Variants in ERG28 observed in about 807,000 individuals in gnomAD.
ERG28 encodes ergosterol biosynthesis 28 homolog.
A neutral mutation model predicts 15.7 loss-of-function variants in ERG28; 9 were observed. The observed-to-expected ratio is 0.57, with a 90% CI of 0.35 to 1.00. The LOEUF (loss-of-function observed/expected upper bound fraction) is 1.00, where lower values mean the gene tolerates loss of function less well. Ranked by LOEUF, ERG28 falls within the 50% of genes least tolerant of loss-of-function variation. ERG28 has a pLI of 0.02. For synonymous variants in ERG28, 61 were observed against 68.4 expected (o/e 0.89, Z 0.53); for missense variants, 117 against 173.3 (o/e 0.68, Z 1.82).
rs993304475 is a variant in ERG28, at chr14:75,651,008, G to A, written c.*547C>T. The A allele has an allele frequency of 6.5e-6, 1 of 154,234 alleles. No individual in the cohort carries two copies. Among genetic ancestry groups the A allele is most frequent in the African/African-American group, 2.4e-5 (1 of 41,462 alleles). The allele number at this position is 154,234 out of a possible 1,614,324, so 9.6% of individuals were successfully genotyped here. A position where few individuals can be genotyped will look rare whatever the true frequency, so the allele number is the denominator to read the frequency against. ...CCTCATGCATCTGTAGATAGAAGGAGAGCTGTGGTCTTGCTCACACACAGG... is the reference window on the plus strand; with the variant it reads ...CCTCATGCATCTGTAGATAGAAGGAAAGCTGTGGTCTTGCTCACACACAGG... On this transcript the variant is annotated 3_prime_UTR_variant, in exon 5 of 5. Transcript: ENST00000256319.
chr14:75,654,741 G>A, intron 3 of ERG28, 145 bp downstream of exon 3: 2 of 901,720 alleles, frequency 2.2e-6, no homozygotes, highest in Non-Finnish European at 3.5e-6. Flanking sequence ...GGCTTGGAGG[G>A]AATGTAACCT....
intron 1 of ERG28, among the ~76,000 whole-genome samples, chr14:75,659,731 T>C (rs902818298): frequency 1.3e-5 from 2 of 152,172 alleles, no homozygotes; most frequent in African/African-American, 2.4e-5. Flanking sequence ...CAGGTTAACC[T>C]CTTGGGCCTG....
chr14:75,655,082 G>T, intron 2 of ERG28, 106 bp from the exon 3 acceptor site: 3 of 1,105,190 alleles, frequency 2.7e-6, no homozygotes, highest in East Asian at 2.4e-5. Flanking sequence ...AGCTGGACCT[G>T]ACCTCTCTGT....
chr14:75,651,956 G>C, intron 3 of ERG28, 67 bp from the exon 4 acceptor site: 1 of 1,374,190 alleles, frequency 7.3e-7, no homozygotes, highest in Non-Finnish European at 1.0e-6. Flanking sequence ...AAAAGTATCA[G>C]ACTTCATACA....
intron 3 of ERG28, among the ~76,000 whole-genome samples, chr14:75,652,728 T>C (rs1890542953): frequency 6.6e-6 from 1 of 152,106 alleles, no homozygotes; most frequent in Non-Finnish European, 1.5e-5. Flanking sequence ...TGTGTATACT[T>C]ATCCTGCTCT....
intron 1 of ERG28, among the ~76,000 whole-genome samples, chr14:75,659,867 G>GCC (rs10716402): frequency 1.3e-4 from 19 of 144,246 alleles, no homozygotes; most frequent in African/African-American, 4.8e-4. Context: ...AAACACCGCC[G>GCC]CCCCCCCCCG....
intron 1 of ERG28, among the ~76,000 whole-genome samples, chr14:75,660,559 T>G (rs1418637318): frequency 6.6e-6 from 1 of 152,208 alleles, no homozygotes; most frequent in African/African-American, 2.4e-5. Flanking sequence ...TGGCTGCTCA[T>G]TCGCTCATCC....
chr14:75,660,042 C>T (rs1041441477), intron 1 of ERG28, among the ~76,000 whole-genome samples: 2 of 152,172 alleles, frequency 1.3e-5, no homozygotes, highest in Non-Finnish European at 2.9e-5. Flanking sequence ...CCAAGATCCA[C>T]CCATCCTCTT....
At chr14:75,653,474 C>T (rs552585733) in intron 3 of ERG28, among the ~76,000 whole-genome samples, 165 of 151,738 alleles carry the variant, frequency 1.1e-3, no homozygotes, top group Non-Finnish European at 1.6e-3. Flanking sequence ...TGGTGGTGCG[C>T]GCCTGTAATC....
chr14:75,656,279 A>AACACAC (rs34053718), intron 2 of ERG28, among the ~76,000 whole-genome samples: 12,034 of 135,804 alleles, frequency 0.089, 597 homozygotes, highest in Admixed American at 0.11. Flanking sequence ...GTGCTGGCTG[A>AACACAC]ACACACACAC....
Position 75,657,526 on chromosome 14 carries a change from C to A in ERG28, c.-24G>T. On this transcript the variant is annotated 5_prime_UTR_variant, in exon 2 of 5. Coordinates refer to ENST00000256319, the MANE Select transcript of ERG28 (RefSeq NM_007176.4). ...ATGACTCCCCTCAAACGTGGGAGGG[C>A]TTTTTGCCTTGGAAACAAAGGCAGA... is the stretch of plus-strand genomic sequence containing the variant. 1 of 1,612,918 alleles carries A rather than the reference C, an allele frequency of 6.2e-7. No individual in the cohort carries two copies. Among genetic ancestry groups the A allele is most frequent in the South Asian group, 1.1e-5 (1 of 91,010 alleles).
chr14:75,658,518 A>G (rs1191336715), intron 1 of ERG28, among the ~76,000 whole-genome samples: 1 of 152,178 alleles, frequency 6.6e-6, no homozygotes, highest in Non-Finnish European at 1.5e-5. Context: ...TTTTCTCCAG[A>G]TAAGACCACC....
chr14:75,652,678 C>T (rs534247578), intron 3 of ERG28, among the ~76,000 whole-genome samples: 1 of 152,262 alleles, frequency 6.6e-6, no homozygotes, highest in African/African-American at 2.4e-5. Context: ...TTGTTTCAGA[C>T]TCTTCTAATA....
intron 2 of ERG28, among the ~76,000 whole-genome samples, chr14:75,656,153 C>T (rs1197322683): frequency 2.0e-5 from 3 of 152,048 alleles, no homozygotes; most frequent in African/African-American, 7.2e-5. Flanking sequence ...ACTCAACCAG[C>T]CCTAACCAGA....
At chr14:75,653,000 T>G (rs1441813668) in intron 3 of ERG28, among the ~76,000 whole-genome samples, 2 of 151,782 alleles carry the variant, frequency 1.3e-5, no homozygotes, top group Non-Finnish European at 2.9e-5. Context: ...ATTTTTGTAT[T>G]TTTAGTAGAG....
Position 75,651,396 on chromosome 14 carries a change from A to G in ERG28, c.*159T>C, listed in dbSNP as rs1890524083. The G allele has an allele frequency of 1.6e-6, 1 of 622,200 alleles. No individual in the cohort carries two copies. The highest frequency in any genetic ancestry group is 2.8e-6 in the Non-Finnish European group (1 of 360,570). 38.5% of individuals were successfully genotyped at this position (622,200 alleles called of 1,614,324 possible). The stretch of plus-strand genomic sequence containing the variant: ...TGTACGTACATGTTATATACTTTTC[A>G]GTATGCATATCTTTAAATTTTAAAA... On this transcript the variant is annotated 3_prime_UTR_variant, in exon 5 of 5. Coordinates refer to ENST00000256319, the MANE Select transcript of ERG28 (RefSeq NM_007176.4).
chr14:75,658,919 G>A (rs145258157), intron 1 of ERG28, among the ~76,000 whole-genome samples: 1,981 of 152,242 alleles, frequency 0.013, 17 homozygotes, highest in South Asian at 0.035. Flanking sequence ...TAAATTGTGT[G>A]TGTTTAAGTT....
chr14:75,651,834 CAG>C lies in ERG28; in HGVS notation c.278_279del (p.Ser93Ter). On this transcript the variant is annotated frameshift_variant, in exon 4 of 5. Coordinates refer to ENST00000256319, the MANE Select transcript of ERG28 (RefSeq NM_007176.4). LOFTEE classifies it high-confidence loss of function. ...TFLLALGHFL[S>X]ELFVYGTAAP... Reference sequence around the variant, plus strand: ...GCTGCAGTTCCATAGACAAACAACTCAGAGAGGAAATGCCCCAGGGCAAGGAG... The same window carrying C: ...GCTGCAGTTCCATAGACAAACAACTCAGAGGAAATGCCCCAGGGCAAGGAG... The C allele has an allele frequency of 2.5e-6, 4 of 1,614,132 alleles. No homozygotes were observed. Among genetic ancestry groups the C allele is most frequent in the Non-Finnish European group, 3.4e-6 (4 of 1,179,994 alleles).
At chr14:75,653,102 G>A (rs1294743972) in intron 3 of ERG28, among the ~76,000 whole-genome samples, 4 of 152,020 alleles carry the variant, frequency 2.6e-5, no homozygotes, top group African/African-American at 7.2e-5. Context: ...GGGATTACAG[G>A]CAGAAGCCAC....
Sources: gnomAD v4.1 joint callset for allele counts (sites outside exome capture counted in the v4.1 genomes callset) on GRCh38, gnomAD v4.1.1 for gene constraint, MANE v1.5 for transcripts, NCBI Gene and HGNC (gene_info 2026-07-23, HGNC 2026-07-21) for gene names.